SLC1A3: variants seen among roughly 807,000 people sequenced by gnomAD.
SLC1A3 encodes excitatory amino acid transporter 1.
SLC1A3 carries 21 observed loss-of-function variants against 48.1 expected under a neutral mutation model. The ratio of observed to expected loss-of-function variants is 0.44; its 90% CI spans 0.31 to 0.63. The LOEUF (loss-of-function observed/expected upper bound fraction) is 0.63. Among genes scored for constraint, SLC1A3 ranks in the 20% least tolerant of loss-of-function variants. The pLI is 0.08. For missense variants in SLC1A3, 546 were observed against 689.0 expected, an observed-to-expected ratio of 0.79 and a Z score of 2.32; for synonymous variants, 239 against 251.4, an observed-to-expected ratio of 0.95 and a Z score of 0.47.
chr5:36,608,034 T>TG, intron 1 of SLC1A3: 1 of 190,164 alleles, frequency 5.3e-6, no homozygotes, highest in South Asian at 1.2e-4. Context: ...CGGGGGAGGG[T>TG]GGGAATAGGG....
chr5:36,670,861 T>G (rs995255935), intron 3 of SLC1A3, 168 bp from the exon 4 acceptor site: 1 of 676,160 alleles, frequency 1.5e-6, no homozygotes, highest in African/African-American at 1.8e-5. Flanking sequence ...CCTCGGCCTT[T>G]TCCCTTCACC....
intron 1 of SLC1A3, among the ~76,000 whole-genome samples, chr5:36,597,233 C>CTTTTTTTTTTTTTTTTTTTTTTT (rs70976237): frequency 2.2e-5 from 1 of 46,114 alleles, no homozygotes; most frequent in Non-Finnish European, 3.6e-5. Flanking sequence ...TTCTTCCTTT[C>CTTTTTTTTTTTTTTTTTTTTTTT]TTTTTTTTTT....
chr5:36,676,432 G>A (rs532838137), intron 5 of SLC1A3, among the ~76,000 whole-genome samples: 1 of 152,274 alleles, frequency 6.6e-6, no homozygotes, highest in East Asian at 1.9e-4. Context: ...TGAGAGAAAG[G>A]ATACCAGGTG....
At chr5:36,667,540 G>C (rs1399499506) in intron 3 of SLC1A3, among the ~76,000 whole-genome samples, 2 of 152,146 alleles carry the variant, frequency 1.3e-5, no homozygotes, top group Non-Finnish European at 2.9e-5. Flanking sequence ...TCATTTATTA[G>C]CTGTGCAATG....
At chr5:36,620,857 G>A (rs1264047916) in intron 2 of SLC1A3, among the ~76,000 whole-genome samples, 3 of 151,472 alleles carry the variant, frequency 2.0e-5, no homozygotes, top group African/African-American at 7.3e-5. Context: ...AACCAGCTAA[G>A]GGATAGGAAA....
intron 3 of SLC1A3, 138 bp downstream of exon 3, chr5:36,629,725 T>C: frequency 1.3e-6 from 1 of 782,714 alleles, no homozygotes; most frequent in South Asian, 1.5e-5. Flanking sequence ...CCCTTCAAAA[T>C]GATGGAAAGG....
At position 36,684,013 on chromosome 5, in the gene SLC1A3, CCTGCATTCCAG is replaced by C. The variant is rs1195673298; in HGVS notation, c.1424+18_1424+28del. 1 of 1,613,986 alleles carries C rather than the reference CCTGCATTCCAG, an allele frequency of 6.2e-7. No individual in the cohort carries two copies. The highest frequency in any genetic ancestry group is 8.5e-7 in the Non-Finnish European group (1 of 1,179,966). On this transcript the variant is annotated intron_variant, in intron 9 of 9. Transcript: ENST00000265113. ...GACTGGTTCCTGTGAGTATGCTTGG[CCTGCATTCCAG>C]CTCACTGTCACAGGGTCCCCCTCTG...
chr5:36,671,010 T>G lies in SLC1A3; in HGVS notation c.320-19T>G. The G allele has an allele frequency of 6.2e-7, 1 of 1,611,456 alleles. No individual in the cohort carries two copies. Among genetic ancestry groups the G allele is most frequent in the Non-Finnish European group, 8.5e-7 (1 of 1,177,678 alleles). ...TCCCTGGACTGACTTCCTGAAAATC[T>G]TCTGTTTGCCTCCACCAGGAATGGC... is the stretch of plus-strand genomic sequence containing the variant. On this transcript the variant is annotated intron_variant, in intron 3 of 9. Transcript: ENST00000265113.
chr5:36,603,637 GA>G (rs1008567387), upstream of SLC1A3, among the ~76,000 whole-genome samples: 30 of 151,086 alleles, frequency 2.0e-4, no homozygotes, highest in East Asian at 1.9e-3. Flanking sequence ...TATTTAAGAA[GA>G]AAAAAAAATC....
intron 3 of SLC1A3, among the ~76,000 whole-genome samples, chr5:36,631,827 G>T (rs985799503): frequency 6.6e-6 from 1 of 152,218 alleles, no homozygotes; most frequent in East Asian, 1.9e-4. Context: ...TAACCCAAAT[G>T]AGGGTATGAC....
intron 1 of SLC1A3, among the ~76,000 whole-genome samples, chr5:36,597,530 C>G (rs1738759426): frequency 6.6e-6 from 1 of 152,098 alleles, no homozygotes; most frequent in South Asian, 2.1e-4. Flanking sequence ...GCGTGAGCCA[C>G]CGCGCCCGGC....
chr5:36,612,084 C>G (rs562500640), intron 2 of SLC1A3, among the ~76,000 whole-genome samples: 1 of 148,478 alleles, frequency 6.7e-6, no homozygotes, highest in Non-Finnish European at 1.5e-5. Context: ...CACACACACA[C>G]GCACACACAC....
At chr5:36,651,123 G>A (rs1741042703) in intron 3 of SLC1A3, among the ~76,000 whole-genome samples, 2 of 131,226 alleles carry the variant, frequency 1.5e-5, no homozygotes, top group Non-Finnish European at 3.1e-5. Flanking sequence ...TATAAGAGTA[G>A]GGAAACTAAG....
chr5:36,637,205 C>T (rs1207332092), intron 3 of SLC1A3, among the ~76,000 whole-genome samples: 1 of 152,210 alleles, frequency 6.6e-6, no homozygotes, highest in Non-Finnish European at 1.5e-5. Flanking sequence ...GGTCTAGATC[C>T]AATCCTCTAT....
rs571148105 is a variant in SLC1A3 at position 36,682,583 on chromosome 5, C to A, written c.1290-1281C>A. Among the ~76,000 whole-genome samples, 4 of 152,268 alleles carry A rather than the reference C, an allele frequency of 2.6e-5. No individual in the cohort carries two copies. The East Asian group carries it at 7.7e-4, about 29-fold the overall frequency. On this transcript the variant is annotated intron_variant, in intron 8 of 9. Transcript: ENST00000265113. ...TGACAAGCAAGATAGAAATATATTT[C>A]TCTTTCATGCAGCACAGCTCTGCTC...
chr5:36,676,292 C>G (rs1337952016), intron 5 of SLC1A3, among the ~76,000 whole-genome samples: 3 of 152,164 alleles, frequency 2.0e-5, no homozygotes, highest in African/African-American at 7.2e-5. Context: ...CATTGAGCAC[C>G]ATTAGCAGAA....
chr5:36,605,452 G>C (rs1159315393), upstream of SLC1A3, among the ~76,000 whole-genome samples: 1 of 152,146 alleles, frequency 6.6e-6, no homozygotes, highest in Non-Finnish European at 1.5e-5. Context: ...CCAACCAGTA[G>C]CTGTTTAAAA....
intron 3 of SLC1A3, among the ~76,000 whole-genome samples, chr5:36,638,221 G>T (rs1305228205): frequency 6.6e-6 from 1 of 152,112 alleles, no homozygotes; most frequent in African/African-American, 2.4e-5. Flanking sequence ...CTTCTTGAAG[G>T]TACTGTGTCT....
intron 3 of SLC1A3, among the ~76,000 whole-genome samples, 182 bp downstream of exon 3, chr5:36,629,769 C>T (rs1248085494): frequency 6.6e-6 from 1 of 151,832 alleles, no homozygotes; most frequent in Non-Finnish European, 1.5e-5. Flanking sequence ...TTATAACTCT[C>T]GTATTTTACC....
Sources: allele counts gnomAD v4.1 joint callset (sites outside exome capture counted in the v4.1 genomes callset), GRCh38; gene constraint gnomAD v4.1.1; transcripts MANE v1.5; gene names NCBI Gene and HGNC (gene_info 2026-07-23, HGNC 2026-07-21).